The following MAF variants were observed in gnomAD, a reference collection of about 807,000 sequenced individuals.
MAF encodes MAF bZIP transcription factor, also known as transcription factor Maf.
In MAF, 10 loss-of-function variants were observed where a neutral mutation model predicts 22.0. The ratio of observed to expected loss-of-function variants is 0.45; its 90% CI spans 0.28 to 0.77. MAF has a LOEUF of 0.77. MAF is among the 30% of genes least tolerant of loss of function. MAF has a pLI of 0.12. For missense variants in MAF, 544 were observed against 548.4 expected (o/e 0.99, Z 0.08); for synonymous variants, 337 against 255.8 (o/e 1.32, Z -3.03).
chr16:79,576,494 T>C, the MAF span, among the ~76,000 whole-genome samples: 1 of 152,122 alleles, frequency 6.6e-6, no homozygotes, highest in African/African-American at 2.4e-5. Context: ...TTTCCTAAAT[T>C]GTTTGACCAC....
the MAF span, among the ~76,000 whole-genome samples, chr16:79,478,628 G>A: frequency 4.6e-5 from 7 of 152,196 alleles, no homozygotes; most frequent in Admixed American, 6.5e-5. Flanking sequence ...TACTATCCCC[G>A]TGTGTCATTC....
chr16:79,486,094 G>A, the MAF span, among the ~76,000 whole-genome samples: 8 of 152,196 alleles, frequency 5.3e-5, no homozygotes, highest in South Asian at 1.7e-3. Flanking sequence ...GGAGTGTCTC[G>A]CATGACTCTC....
chr16:79,492,699 AAAC>A, the MAF span, among the ~76,000 whole-genome samples: 3 of 152,242 alleles, frequency 2.0e-5, no homozygotes, highest in Admixed American at 6.5e-5. Flanking sequence ...AAGAAAAAAA[AAAC>A]AACTATTGCT....
At chr16:79,278,003 G>A in the MAF span, among the ~76,000 whole-genome samples, 1 of 152,196 alleles carries the variant, frequency 6.6e-6, no homozygotes, top group Non-Finnish European at 1.5e-5. Flanking sequence ...TCTCTCTAAG[G>A]GAAGGCCTGG....
chr16:79,549,268 C>A, the MAF span, among the ~76,000 whole-genome samples: 1 of 152,096 alleles, frequency 6.6e-6, no homozygotes, highest in South Asian at 2.1e-4. Context: ...TACATCAGCT[C>A]ATTGAGCAGA....
the MAF span, among the ~76,000 whole-genome samples, chr16:79,578,788 T>C: frequency 6.6e-6 from 1 of 152,138 alleles, no homozygotes; most frequent in Non-Finnish European, 1.5e-5. Flanking sequence ...CTACATGAAA[T>C]AAATATTTCA....
At chr16:79,407,845 C>A in the MAF span, among the ~76,000 whole-genome samples, 1 of 152,206 alleles carries the variant, frequency 6.6e-6, no homozygotes, top group Non-Finnish European at 1.5e-5. Flanking sequence ...TGCCTCAATT[C>A]CTGTGCTGGT....
chr16:79,502,722 T>A, the MAF span, among the ~76,000 whole-genome samples: 76 of 36,632 alleles, frequency 2.1e-3, 1 homozygote, highest in East Asian at 0.039. Context: ...TATATATATA[T>A]ATATATATAT....
the MAF span, among the ~76,000 whole-genome samples, chr16:79,411,888 C>T: frequency 6.6e-6 from 1 of 152,046 alleles, no homozygotes; most frequent in Non-Finnish European, 1.5e-5. Context: ...CCTCTGCACC[C>T]TTTAAAAACA....
the MAF span, among the ~76,000 whole-genome samples, chr16:79,353,088 A>G: frequency 6.6e-6 from 1 of 152,180 alleles, no homozygotes; most frequent in African/African-American, 2.4e-5. Context: ...CATACAAAAA[A>G]AAATGAAATT....
At chr16:79,574,878 A>T in the MAF span, among the ~76,000 whole-genome samples, 374 of 152,278 alleles carry the variant, frequency 2.5e-3, 3 homozygotes, top group African/African-American at 8.4e-3. Flanking sequence ...TGGACCTCAG[A>T]CATGCTGAGT....
chr16:79,206,030 G>T, the MAF span: 1 of 152,102 alleles, frequency 6.6e-6, no homozygotes, highest in African/African-American at 2.4e-5. Flanking sequence ...TTTTAGTAAG[G>T]GTCACTTGCT....
At chr16:79,547,111 G>A in the MAF span, among the ~76,000 whole-genome samples, 1 of 152,000 alleles carries the variant, frequency 6.6e-6, no homozygotes, top group African/African-American at 2.4e-5. Flanking sequence ...TAGCACTGTT[G>A]GGGGAGGCAA....
At chr16:79,311,704 G>A in the MAF span, among the ~76,000 whole-genome samples, 1 of 152,082 alleles carries the variant, frequency 6.6e-6, no homozygotes, top group Non-Finnish European at 1.5e-5. Context: ...CAATTCCACA[G>A]CTTGGATGTT....
chr16:79,413,915 G>A, the MAF span, among the ~76,000 whole-genome samples: 4 of 152,294 alleles, frequency 2.6e-5, no homozygotes, highest in Non-Finnish European at 4.4e-5. Context: ...GGGAATCAGT[G>A]AGTGTGCTGA....
chr16:79,325,598 A>C, the MAF span, among the ~76,000 whole-genome samples: 6 of 145,626 alleles, frequency 4.1e-5, no homozygotes, highest in South Asian at 4.4e-4. Context: ...CCCAGACACA[A>C]ACACACACAC....
the MAF span, among the ~76,000 whole-genome samples, chr16:79,251,246 G>T: frequency 2.0e-5 from 3 of 152,118 alleles, no homozygotes; most frequent in African/African-American, 7.2e-5. Flanking sequence ...ATGACATCAA[G>T]GACTCATTGT....
the MAF span, among the ~76,000 whole-genome samples, chr16:79,479,278 T>C: frequency 6.6e-6 from 1 of 152,330 alleles, no homozygotes; most frequent in African/African-American, 2.4e-5. Context: ...CTTTCTACCA[T>C]CCTGTTGTAC....
the MAF span, among the ~76,000 whole-genome samples, chr16:79,556,133 A>T: frequency 6.6e-6 from 1 of 152,164 alleles, no homozygotes; most frequent in Admixed American, 6.5e-5. Flanking sequence ...AGCTTGCAAA[A>T]TTCCTGAAAA....
Sources: gnomAD v4.1 joint callset for allele counts (sites outside exome capture counted in the v4.1 genomes callset) on GRCh38, gnomAD v4.1.1 for gene constraint, MANE v1.5 for transcripts, NCBI Gene and HGNC (gene_info 2026-07-23, HGNC 2026-07-21) for gene names.